NUAK1: variants seen among roughly 807,000 people sequenced by gnomAD.
NUAK1 encodes NUAK family kinase 1, also known as NUAK family SNF1-like kinase 1.
Under a neutral mutation model 56.9 loss-of-function variants are expected in NUAK1, and 26 were observed. The observed-to-expected ratio is 0.46, with a 90% confidence interval of 0.33 to 0.63. NUAK1 has a LOEUF of 0.63. NUAK1 is among the 30% of genes least tolerant of loss of function. NUAK1 has a pLI of 0.02. For missense variants in NUAK1, 727 were observed against 876.1 expected (o/e 0.83, Z 2.15); for synonymous variants, 337 against 336.0 (o/e 1.00, Z -0.03).
chr12:106,138,592 CCCGGCGCCCCCA>C lies in NUAK1; in HGVS notation c.50_61del (p.Leu17_Gly21delinsArg). ...CCCCGCCACCGCCTCTCGGGGAGAGCCCGGCGCCCCCAGCCCCAAGTCGGGGCGGTCCCCCGC... is the reference window on the plus strand; with the variant it reads ...CCCCGCCACCGCCTCTCGGGGAGAGCGCCCCAAGTCGGGGCGGTCCCCCGC... On this transcript the variant is annotated inframe_deletion, in exon 1 of 7. Coordinates refer to ENST00000261402, the MANE Select transcript of NUAK1 (RefSeq NM_014840.3). This position sits in a 1 kb window ranked among gnomAD's most constrained non-coding sequence, Gnocchi z 5.0. 6.3e-7 allele frequency: 1 copy of C among 1,581,390 alleles called. No homozygotes were observed. The highest frequency in any genetic ancestry group is 8.5e-7 in the Non-Finnish European group (1 of 1,170,946).
At chr12:106,134,434 G>C (rs1048109347) in intron 1 of NUAK1, among the ~76,000 whole-genome samples, 3 of 152,244 alleles carry the variant, frequency 2.0e-5, no homozygotes, top group Admixed American at 6.5e-5. Flanking sequence ...CATCACCCAA[G>C]CTAATGCTCT....
intron 2 of NUAK1, 71 bp from the exon 3 acceptor site, chr12:106,086,956 C>G (rs536732857): frequency 5.0e-5 from 77 of 1,552,458 alleles, no homozygotes; most frequent in African/African-American, 6.8e-5. Context: ...ACAGAGAATG[C>G]GAGAGAGGAC....
At chr12:106,101,070 T>TGTGA (rs1163298395) in intron 2 of NUAK1, among the ~76,000 whole-genome samples, 1 of 152,238 alleles carries the variant, frequency 6.6e-6, no homozygotes, top group Non-Finnish European at 1.5e-5. Context: ...CCTCTCATTC[T>TGTGA]GTGAGTAGCA....
At chr12:106,097,592 G>C (rs939260911) in intron 2 of NUAK1, among the ~76,000 whole-genome samples, 2 of 152,224 alleles carry the variant, frequency 1.3e-5, no homozygotes, top group African/African-American at 4.8e-5. Context: ...AGTTGTGTCT[G>C]AGAAGAGAAA....
intron 4 of NUAK1, among the ~76,000 whole-genome samples, chr12:106,082,877 C>A (rs1261300047): frequency 6.6e-6 from 1 of 152,202 alleles, no homozygotes; most frequent in Admixed American, 6.5e-5. Flanking sequence ...CCATGCTTTG[C>A]CCAGGGACCA....
chr12:106,098,765 C>A (rs2032719303), intron 2 of NUAK1, among the ~76,000 whole-genome samples: 2 of 152,028 alleles, frequency 1.3e-5, no homozygotes, highest in Non-Finnish European at 2.9e-5. Context: ...CAGATCGGGT[C>A]TCCTAGGCTT....
chr12:106,070,638 T>A, intron 6 of NUAK1, 136 bp downstream of exon 6: 1 of 1,192,922 alleles, frequency 8.4e-7, no homozygotes. Context: ...TTGCCAAGGA[T>A]GACACTTCTG....
rs559206157 is a variant in NUAK1, at chr12:106,127,613, T to C, written c.240+10801A>G. ...GAAGGCGAGCAGACCTCCCTAAACA[T>C]AGGCTGACAGTCTACACAGGGAGAC... On this transcript the variant is annotated intron_variant, in intron 1 of 6. Coordinates refer to ENST00000261402, the MANE Select transcript of NUAK1 (RefSeq NM_014840.3). 9.7e-4 allele frequency among the ~76,000 whole-genome samples: 148 copies of C among 152,156 alleles called. 3 individuals carry two copies. The South Asian group carries it at 0.017, about 17-fold the overall frequency.
chr12:106,129,179 C>A (rs1328569003), intron 1 of NUAK1, among the ~76,000 whole-genome samples: 1 of 152,200 alleles, frequency 6.6e-6, no homozygotes, highest in Non-Finnish European at 1.5e-5. Context: ...AGCCACCTCT[C>A]CAGCTGCTGT....
At chr12:106,083,587 A>T (rs2032540426) in intron 4 of NUAK1, among the ~76,000 whole-genome samples, 1 of 152,232 alleles carries the variant, frequency 6.6e-6, no homozygotes, top group Admixed American at 6.5e-5. Context: ...ATGATTTTAG[A>T]CTATGAGCTT....
Position 106,138,758 on chromosome 12 carries a change from C to A in NUAK1, c.-105G>T, listed in dbSNP as rs2033155775. On this transcript the variant is annotated 5_prime_UTR_variant, in exon 1 of 7. Coordinates refer to ENST00000261402, the MANE Select transcript of NUAK1 (RefSeq NM_014840.3). The surrounding 1 kb of genome is among the most constrained non-coding windows in gnomAD (Gnocchi z 5.0). ...GCCGCTGTACGCTCAAGGTCGCCCC[C>A]GCAGCATCAGGGAGGCGGCCCGATA... 4.3e-6 allele frequency: 6 copies of A among 1,397,346 alleles called. No homozygotes were observed. Among genetic ancestry groups the A allele is most frequent in the South Asian group, 3.1e-5 (2 of 64,184 alleles). The allele number at this position is 1,397,346 out of a possible 1,614,324, so 86.6% of individuals were successfully genotyped here.
intron 1 of NUAK1, among the ~76,000 whole-genome samples, chr12:106,133,286 T>A (rs943289562): frequency 2.6e-5 from 4 of 152,076 alleles, no homozygotes; most frequent in Admixed American, 2.6e-4. Context: ...TCAACAGCAC[T>A]TGTCCTCCCA....
intron 1 of NUAK1, among the ~76,000 whole-genome samples, chr12:106,130,201 C>T (rs777529867): frequency 6.6e-6 from 1 of 152,192 alleles, no homozygotes; most frequent in Non-Finnish European, 1.5e-5. Context: ...AGGCTGGTCT[C>T]AAACTCCCAA....
chr12:106,093,780 G>A (rs1470085287), intron 2 of NUAK1, among the ~76,000 whole-genome samples: 2 of 152,188 alleles, frequency 1.3e-5, no homozygotes, highest in African/African-American at 4.8e-5. Flanking sequence ...CAGGGAGGAA[G>A]AGTCTTTTGT....
At chr12:106,072,680 T>C in intron 5 of NUAK1, 44 bp downstream of exon 5, 1 of 1,573,672 alleles carries the variant, frequency 6.4e-7, no homozygotes, top group Non-Finnish European at 8.7e-7. Context: ...CTCCCTCTTC[T>C]CCCTCCCCTC....
intron 1 of NUAK1, 90 bp from the exon 2 acceptor site, chr12:106,106,615 A>C: frequency 2.2e-6 from 3 of 1,370,720 alleles, no homozygotes; most frequent in Non-Finnish European, 3.0e-6. Context: ...TACAGATGTT[A>C]CTTGTTGGCA....
chr12:106,092,315 G>A (rs948283247), intron 2 of NUAK1, among the ~76,000 whole-genome samples: 2 of 152,078 alleles, frequency 1.3e-5, no homozygotes, highest in Non-Finnish European at 2.9e-5. Flanking sequence ...TCAGGAGACC[G>A]AGACCAGCCT....
At position 106,065,487 on chromosome 12, in the gene NUAK1, G is replaced by A. The variant is rs2032327388; in HGVS notation, c.*1315C>T. 6.6e-6 allele frequency: 1 copy of A among 151,936 alleles called. No homozygotes were observed. The highest frequency in any genetic ancestry group is 1.5e-5 in the Non-Finnish European group (1 of 68,018). 9.4% of individuals were successfully genotyped at this position (151,936 alleles called of 1,614,324 possible). A position where few individuals can be genotyped will look rare whatever the true frequency, so the allele number is the denominator to read the frequency against. On this transcript the variant is annotated 3_prime_UTR_variant, in exon 7 of 7. Transcript: ENST00000261402. ...GAATGGAACTTTCTCTTCCCCCAAA[G>A]CCCAGGAGTTCATGGCAAAGTTTAA...
chr12:106,096,305 C>A (rs958760882), intron 2 of NUAK1, among the ~76,000 whole-genome samples: 24 of 152,034 alleles, frequency 1.6e-4, no homozygotes, highest in Non-Finnish European at 2.9e-5. Flanking sequence ...GATCTCCAGC[C>A]TCTAGAAAAA....
Sources: allele counts gnomAD v4.1 joint callset (sites outside exome capture counted in the v4.1 genomes callset), GRCh38; gene constraint gnomAD v4.1.1; non-coding constraint Gnocchi (gnomAD v3.1); transcripts MANE v1.5; gene names NCBI Gene and HGNC (gene_info 2026-07-23, HGNC 2026-07-21).